SPAG16: variants seen among roughly 807,000 people sequenced by gnomAD.
SPAG16 encodes sperm associated antigen 16.
In SPAG16, 86 loss-of-function variants were observed where a neutral mutation model predicts 80.4. The ratio of observed to expected loss-of-function variants is 1.07; its 90% CI spans 0.90 to 1.28. The LOEUF is 1.28. Ranked by LOEUF, SPAG16 falls within the 50% of genes most tolerant of loss-of-function variation. The pLI, the probability that SPAG16 is intolerant of heterozygous loss-of-function variation, is 0.00. For synonymous variants in SPAG16, 294 were observed against 265.9 expected, an observed-to-expected ratio of 1.11 and a Z score of -1.03; for missense variants, 870 against 765.3, an observed-to-expected ratio of 1.14 and a Z score of -1.61.
chr2:213,393,774 CA>C (rs1263837287), intron 9 of SPAG16, among the ~76,000 whole-genome samples: 3 of 151,958 alleles, frequency 2.0e-5, no homozygotes, highest in Non-Finnish European at 2.9e-5. Context: ...TCATTATTGC[CA>C]GGGTTTTTTA....
intron 10 of SPAG16, among the ~76,000 whole-genome samples, chr2:213,641,040 T>C (rs146618580): frequency 1.4e-4 from 22 of 152,282 alleles, no homozygotes; most frequent in African/African-American, 5.1e-4. Flanking sequence ...CCAGGGTTTG[T>C]AGAGACAAAC....
chr2:214,297,116 A>G (rs922331965), intron 15 of SPAG16, among the ~76,000 whole-genome samples: 10 of 152,180 alleles, frequency 6.6e-5, no homozygotes, highest in Non-Finnish European at 7.3e-5. Flanking sequence ...TTTCCTTTAT[A>G]TCAATGCAAA....
chr2:213,352,952 T>G (rs1055710502), intron 7 of SPAG16, among the ~76,000 whole-genome samples: 3 of 152,232 alleles, frequency 2.0e-5, no homozygotes, highest in Non-Finnish European at 4.4e-5. Context: ...ATTAACTGAA[T>G]GTTTAGCTAA....
At chr2:213,511,535 CT>C (rs1179842001) in intron 10 of SPAG16, among the ~76,000 whole-genome samples, 5 of 151,572 alleles carry the variant, frequency 3.3e-5, no homozygotes, top group Non-Finnish European at 5.9e-5. Flanking sequence ...TTATTATTTC[CT>C]TTTTTTAAAA....
chr2:213,990,156 G>GT (rs1259259894), intron 12 of SPAG16, among the ~76,000 whole-genome samples: 4 of 152,050 alleles, frequency 2.6e-5, no homozygotes, highest in Admixed American at 6.6e-5. Flanking sequence ...AATTAGAAAT[G>GT]TATGTGGTTA....
intron 9 of SPAG16, among the ~76,000 whole-genome samples, chr2:213,449,459 C>A (rs1459666966): frequency 2.6e-5 from 4 of 152,136 alleles, no homozygotes; most frequent in East Asian, 1.9e-4. Flanking sequence ...CCTTTTGAAA[C>A]CCTTAATAAA....
chr2:214,340,892 A>C (rs1345908526), intron 15 of SPAG16, among the ~76,000 whole-genome samples: 1 of 152,214 alleles, frequency 6.6e-6, no homozygotes, highest in East Asian at 1.9e-4. Context: ...ACCTAAGTGA[A>C]GGAGTCACCT....
At chr2:214,010,597 G>A (rs1364074902) in intron 12 of SPAG16, among the ~76,000 whole-genome samples, 1 of 146,756 alleles carries the variant, frequency 6.8e-6, no homozygotes, top group Non-Finnish European at 1.5e-5. Context: ...CTCAGACTTT[G>A]CAGTACTCTA....
intron 10 of SPAG16, among the ~76,000 whole-genome samples, chr2:213,711,948 A>G (rs1574903530): frequency 6.6e-6 from 1 of 152,174 alleles, no homozygotes; most frequent in African/African-American, 2.4e-5. Flanking sequence ...ATCAGATGCT[A>G]GAATATTTAT....
At chr2:213,759,833 G>A (rs1356390898) in intron 10 of SPAG16, among the ~76,000 whole-genome samples, 1 of 152,000 alleles carries the variant, frequency 6.6e-6, no homozygotes. Context: ...TCAGGAGATC[G>A]AAACCATCCT....
rs1702232358 is a variant in SPAG16, at chr2:214,410,391, G to A, written c.*76G>A. 8 of 1,384,436 alleles carry A rather than the reference G, an allele frequency of 5.8e-6. No homozygotes were observed. In the Admixed American group the frequency reaches 1.7e-4, roughly 30 times the overall value. 85.8% of individuals were successfully genotyped at this position (1,384,436 alleles called of 1,614,324 possible). On this transcript the variant is annotated 3_prime_UTR_variant, in exon 16 of 16. Coordinates refer to ENST00000331683, the MANE Select transcript of SPAG16 (RefSeq NM_024532.5). Reference sequence around the variant, plus strand: ...CCTCCTGTAGTCCCAAACCAGCAAAGAACTGGTTAAATGTGCCAGCAGGTA... The same window carrying A: ...CCTCCTGTAGTCCCAAACCAGCAAAAAACTGGTTAAATGTGCCAGCAGGTA...
Position 213,698,236 on chromosome 2 carries a change from C to A in SPAG16, c.1071-164249C>A, listed in dbSNP as rs139504002. 1.1e-4 allele frequency among the ~76,000 whole-genome samples: 16 copies of A among 152,016 alleles called. 2 individuals are homozygous for A. The highest frequency in any genetic ancestry group is 3.9e-4 in the African/African-American group (16 of 41,470). ...TTTTTCTCATGGCTTTTTCTTGGTG[C>A]AATTTTTTAAATTTATTATTATTAT... On this transcript the variant is annotated intron_variant, in intron 10 of 15. Coordinates refer to ENST00000331683, the MANE Select transcript of SPAG16 (RefSeq NM_024532.5).
intron 10 of SPAG16, among the ~76,000 whole-genome samples, chr2:213,741,542 T>C (rs1055908972): frequency 2.6e-5 from 4 of 152,056 alleles, no homozygotes; most frequent in African/African-American, 9.7e-5. Context: ...TAAATTAAAG[T>C]TTAGTCAAAG....
At chr2:213,285,707 T>C (rs2062030655) in intron 1 of SPAG16, among the ~76,000 whole-genome samples, 1 of 152,218 alleles carries the variant, frequency 6.6e-6, no homozygotes, top group African/African-American at 2.4e-5. Flanking sequence ...TAGTATTTTA[T>C]TGGGTGCAAA....
intron 7 of SPAG16, among the ~76,000 whole-genome samples, chr2:213,360,274 A>G (rs2065902178): frequency 6.6e-6 from 1 of 152,356 alleles, no homozygotes; most frequent in Middle Eastern, 3.4e-3. Context: ...TTATATCACT[A>G]AATTTTGTTC....
intron 10 of SPAG16, among the ~76,000 whole-genome samples, chr2:213,676,590 G>A (rs1559366848): frequency 6.6e-6 from 1 of 152,180 alleles, no homozygotes; most frequent in Non-Finnish European, 1.5e-5. Context: ...TTTTTAGCAT[G>A]AAGGGTTGTT....
At chr2:213,739,153 A>G (rs1286407291) in intron 10 of SPAG16, among the ~76,000 whole-genome samples, 1 of 152,216 alleles carries the variant, frequency 6.6e-6, no homozygotes, top group African/African-American at 2.4e-5. Flanking sequence ...AGCAATTTAT[A>G]ACAAATGGTT....
chr2:213,791,557 T>C (rs143972731), intron 10 of SPAG16, among the ~76,000 whole-genome samples: 2 of 152,252 alleles, frequency 1.3e-5, no homozygotes, highest in East Asian at 3.8e-4. Context: ...TAGACTAGTG[T>C]TCTCTCAGCA....
chr2:213,856,194 G>A lies in SPAG16; in HGVS notation c.1071-6291G>A, dbSNP rs147657427. 5.3e-3 allele frequency among the ~76,000 whole-genome samples: 801 copies of A among 152,266 alleles called. 14 individuals are homozygous for A. The highest frequency in any genetic ancestry group is 0.04 in the East Asian group (207 of 5,166). ...GACAAGTCCAAAATCCAGTAGGGCA[G>A]TCATTAAACGTTAAAATTCCAAAAT... On this transcript the variant is annotated intron_variant, in intron 10 of 15. Coordinates refer to ENST00000331683, the MANE Select transcript of SPAG16 (RefSeq NM_024532.5).
Sources: allele counts gnomAD v4.1 joint callset (sites outside exome capture counted in the v4.1 genomes callset), GRCh38; gene constraint gnomAD v4.1.1; transcripts MANE v1.5; gene names NCBI Gene and HGNC (gene_info 2026-07-23, HGNC 2026-07-21).